The following CCDC136 variants were observed in gnomAD, a reference collection of about 807,000 sequenced individuals.
The protein encoded by CCDC136 is coiled-coil domain containing 136.
In CCDC136, 100 loss-of-function variants were observed where a neutral mutation model predicts 141.2. That is an observed-to-expected ratio of 0.71 (90% CI 0.60 to 0.84). The LOEUF (loss-of-function observed/expected upper bound fraction) is 0.84. Ranked by LOEUF, CCDC136 falls within the 40% of genes least tolerant of loss-of-function variation. CCDC136 has a pLI of 0.00. For missense variants in CCDC136, 1,206 were observed against 1,379.4 expected, an observed-to-expected ratio of 0.87 and a Z score of 1.99; for synonymous variants, 474 against 531.9, an observed-to-expected ratio of 0.89 and a Z score of 1.50.
At chr7:128,802,668 G>A (rs1305675220) in intron 4 of CCDC136, among the ~76,000 whole-genome samples, 1 of 152,190 alleles carries the variant, frequency 6.6e-6, no homozygotes, top group South Asian at 2.1e-4. Context: ...ATGGAGTTTA[G>A]TTAATAGTAA....
chr7:128,818,069 A>G (rs530591681), intron 17 of CCDC136: 1 of 542,322 alleles, frequency 1.8e-6, no homozygotes, highest in East Asian at 3.3e-5. Flanking sequence ...TTCGTAATGC[A>G]TAGGAGGTTG....
chr7:128,808,234 G>A (rs1056479910), intron 10 of CCDC136, among the ~76,000 whole-genome samples: 2 of 151,998 alleles, frequency 1.3e-5, no homozygotes, highest in African/African-American at 4.8e-5. Flanking sequence ...ACCGGGTTTC[G>A]CCATGTTGGT....
chr7:128,791,431 G>T, upstream of CCDC136: 1 of 1,219,972 alleles, frequency 8.2e-7, no homozygotes, highest in Non-Finnish European at 1.0e-6. The surrounding 1 kb of genome is among the most constrained non-coding windows in gnomAD (Gnocchi z 7.1). Context: ...ACCCGGCTCG[G>T]GTCCCCGGGC....
chr7:128,791,743 C>T (rs1802197334), upstream of CCDC136: 2 of 415,554 alleles, frequency 4.8e-6, no homozygotes, highest in Non-Finnish European at 8.3e-6. This position sits in a 1 kb window ranked among gnomAD's most constrained non-coding sequence, Gnocchi z 7.1. Context: ...CTTCCGCGCA[C>T]CGGCCGCATC....
At chr7:128,816,064 C>T (rs1806583795) in intron 16 of CCDC136, 133 bp downstream of exon 16, 3 of 818,512 alleles carry the variant, frequency 3.7e-6, no homozygotes, top group Non-Finnish European at 5.6e-6. Context: ...CACAACCCTT[C>T]GGGGAGGTGG....
rs1385575393 is a variant in CCDC136, at chr7:128,812,115, A to G, written c.2344A>G (p.Ser782Gly). ...YYKSYTSTQT[S>G]SKSFLKSYDS... ...CAAGAGTTACACCAGCACCCAGACCAGCAGCAAGAGCTTTCTCAAGAGCTA... is the reference window on the plus strand; with the variant it reads ...CAAGAGTTACACCAGCACCCAGACCGGCAGCAAGAGCTTTCTCAAGAGCTA... The change falls in exon 13 of 18, where the codon AGC becomes GGC. Residue 782 changes from serine (S) to glycine (G), a missense_variant. By Grantham distance (56) the Ser-to-Gly change is moderately conservative. Transcript: ENST00000297788. 9 of 1,614,034 alleles carry G rather than the reference A, an allele frequency of 5.6e-6. No individual in the cohort carries two copies. Among genetic ancestry groups the G allele is most frequent in the Non-Finnish European group, 6.8e-6 (8 of 1,179,890 alleles).
chr7:128,792,280 G>GGCC lies in CCDC136; in HGVS notation c.-132_-131insGCC. ...TCCTCTGCACCCCAGCCCGCAGCCA[G>GGCC]CCCCCCACCCCCCAGCCCCTCCTTT... On this transcript the variant is annotated 5_prime_UTR_variant, in exon 1 of 18. Transcript: ENST00000297788. The GGCC allele has an allele frequency of 1.5e-6, 2 of 1,334,774 alleles. No homozygotes were observed. Among genetic ancestry groups the GGCC allele is most frequent in the East Asian group, 3.6e-5 (1 of 28,084 alleles). 82.7% of individuals were successfully genotyped at this position (1,334,774 alleles called of 1,614,324 possible).
In CCDC136 at chr7:128,796,328, C is replaced by T. The variant is rs995115861; in HGVS notation, c.346+1560C>T. Among the ~76,000 whole-genome samples, 62 of 152,136 alleles carry T rather than the reference C, an allele frequency of 4.1e-4. 1 individual carries two copies. The highest frequency in any genetic ancestry group is 2.9e-3 in the Admixed American group (44 of 15,272). On this transcript the variant is annotated intron_variant, in intron 3 of 17. Transcript: ENST00000297788. ...GGAGGAGCATACCAGGCAGAAGCAACAGCAACTGCAAAGGCCCAGAGGTGA... is the reference window on the plus strand; with the variant it reads ...GGAGGAGCATACCAGGCAGAAGCAATAGCAACTGCAAAGGCCCAGAGGTGA...
At chr7:128,819,709 A>G (rs1403378005) in intron 17 of CCDC136, among the ~76,000 whole-genome samples, 4 of 152,146 alleles carry the variant, frequency 2.6e-5, no homozygotes, top group Admixed American at 6.5e-5. Context: ...TAAGTAAAAC[A>G]GCCAGGAAGC....
chr7:128,814,229 G>A (rs1261556877), intron 14 of CCDC136, among the ~76,000 whole-genome samples: 2 of 151,850 alleles, frequency 1.3e-5, no homozygotes, highest in Non-Finnish European at 1.5e-5. Flanking sequence ...GGGACTACAG[G>A]CGCGCTCCAA....
intron 17 of CCDC136, among the ~76,000 whole-genome samples, chr7:128,819,738 G>T (rs938754855): frequency 6.6e-6 from 1 of 152,018 alleles, no homozygotes; most frequent in Non-Finnish European, 1.5e-5. Flanking sequence ...AGATTATAAG[G>T]ACTCAATATT....
rs991112914 is a variant in CCDC136, at chr7:128,794,005, C to G, written c.17-343C>G. Among the ~76,000 whole-genome samples the G allele has an allele frequency of 6.6e-6, 1 of 152,236 alleles. No homozygotes were observed. The highest frequency in any genetic ancestry group is 2.4e-5 in the African/African-American group (1 of 41,472). ...ATCCGCTCACTGTCTCCTTTCTTGA[C>G]TACTTGTCCTGCTACTCAGAGGCCA... On this transcript the variant is annotated intron_variant, in intron 1 of 17. Coordinates refer to ENST00000297788, the MANE Select transcript of CCDC136 (RefSeq NM_022742.5). This position sits in a 1 kb window ranked among gnomAD's most constrained non-coding sequence, Gnocchi z 4.3.
In CCDC136 at chr7:128,812,055, T is replaced by C. The variant is rs1185228063; in HGVS notation, c.2284T>C (p.Tyr762His). 1.7e-5 allele frequency: 28 copies of C among 1,613,906 alleles called. No homozygotes were observed. The highest frequency in any genetic ancestry group is 2.3e-5 in the Non-Finnish European group (27 of 1,179,898). The change falls in exon 13 of 18, where the codon TAT becomes CAT. Residue 762 changes from tyrosine to histidine, a missense_variant. By Grantham distance (83) the Tyr-to-His change is moderately conservative. Coordinates refer to ENST00000297788, the MANE Select transcript of CCDC136 (RefSeq NM_022742.5). ...CAGCAATGAGAACTGTCGCAAGACTTATGATACCACTGTGGATGACAATGA... is the reference window on the plus strand; with the variant it reads ...CAGCAATGAGAACTGTCGCAAGACTCATGATACCACTGTGGATGACAATGA... ...VPSNENCRKT[Y>H]DTTVDDNESY... is the part of the protein sequence containing the mutation.
In CCDC136 at chr7:128,801,468, C is replaced by G; in HGVS notation, c.629C>G (p.Pro210Arg). The G allele has an allele frequency of 1.9e-6, 3 of 1,610,054 alleles. No homozygotes were observed. Among genetic ancestry groups the G allele is most frequent in the Non-Finnish European group, 2.5e-6 (3 of 1,176,980 alleles). Residue 210 changes from proline (P) to arginine (R), a missense_variant, in exon 4 of 18, where the codon CCA becomes CGA. Physicochemically the swap from Pro to Arg is moderately radical, Grantham distance 103 (BLOSUM62 -2). Transcript: ENST00000297788. ...RAEMEMKSSEPSGSLGLSDYS... is the reference protein window; with the variant it reads ...RAEMEMKSSERSGSLGLSDYS... ...GAAATGGAAATGAAGAGCTCTGAACCATCCGGTAGTTTAGGTCTCTCAGAT... is the reference window on the plus strand; with the variant it reads ...GAAATGGAAATGAAGAGCTCTGAACGATCCGGTAGTTTAGGTCTCTCAGAT...
rs757814510 is a variant in CCDC136 at position 128,809,679 on chromosome 7, A to G, written c.1800+35A>G. The G allele has an allele frequency of 8.2e-5, 117 of 1,431,430 alleles. No individual in the cohort carries two copies. In the South Asian group the frequency reaches 1.7e-3, roughly 20 times the overall value. The allele number at this position is 1,431,430 out of a possible 1,614,324, so 88.7% of individuals were successfully genotyped here. ...CCACAGGCAGCTGCTAACTGCGGGG[A>G]AGCTGCTCTGAGAAGCTTCCCTGTG... On this transcript the variant is annotated intron_variant, in intron 11 of 17. Coordinates refer to ENST00000297788, the MANE Select transcript of CCDC136 (RefSeq NM_022742.5).
chr7:128,816,788 G>A (rs1395278392), intron 16 of CCDC136, among the ~76,000 whole-genome samples: 1 of 152,168 alleles, frequency 6.6e-6, no homozygotes, highest in Non-Finnish European at 1.5e-5. Flanking sequence ...TTACATTACA[G>A]GTTCTTTCTG....
chr7:128,805,764 C>A lies in CCDC136; in HGVS notation c.952C>A (p.Gln318Lys). Residue 318 changes from glutamine (Q) to lysine (K), a missense_variant, in exon 7 of 18, where the codon CAG becomes AAG. By Grantham distance (53) the Gln-to-Lys change is moderately conservative. Transcript: ENST00000297788. The surrounding 1 kb of genome is among the most constrained non-coding windows in gnomAD (Gnocchi z 4.6). ...EQMHGMKNKCQELCCELEELQ... is the reference protein window; with the variant it reads ...EQMHGMKNKCKELCCELEELQ... ...CCCTGTTCCATTTCCCACATAGTGT[C>A]AGGAATTGTGTTGTGAGTTGGAAGA... 2 of 1,611,604 alleles carry A rather than the reference C, an allele frequency of 1.2e-6. No homozygotes were observed. Among genetic ancestry groups the A allele is most frequent in the South Asian group, 2.2e-5 (2 of 90,582 alleles).
chr7:128,814,092 CTT>C (rs1311663497), intron 14 of CCDC136, among the ~76,000 whole-genome samples: 2 of 145,356 alleles, frequency 1.4e-5, no homozygotes, highest in Non-Finnish European at 1.5e-5. Flanking sequence ...TTTTGACCTT[CTT>C]TTTTTTTTTT....
Position 128,800,384 on chromosome 7 carries a change from G to T in CCDC136, c.347-802G>T, listed in dbSNP as rs59053520. 7.3e-3 allele frequency among the ~76,000 whole-genome samples: 1,107 copies of T among 152,164 alleles called. 8 individuals carry two copies. Among genetic ancestry groups the T allele is most frequent in the South Asian group, 0.031 (148 of 4,820 alleles). On this transcript the variant is annotated intron_variant, in intron 3 of 17. Transcript: ENST00000297788. Reference sequence around the variant, plus strand: ...TGGCTCACAGCAACCTCTGCCTCCCGGGCTCAAATGATTCTCCTGTCTCAG... The same window carrying T: ...TGGCTCACAGCAACCTCTGCCTCCCTGGCTCAAATGATTCTCCTGTCTCAG...
Sources: allele counts gnomAD v4.1 joint callset (sites outside exome capture counted in the v4.1 genomes callset), GRCh38; gene constraint gnomAD v4.1.1; non-coding constraint Gnocchi (gnomAD v3.1); transcripts MANE v1.5; gene names NCBI Gene and HGNC (gene_info 2026-07-23, HGNC 2026-07-21).